The following NCAM2 variants were observed in gnomAD, a reference collection of about 807,000 sequenced individuals.
NCAM2 encodes the protein neural cell adhesion molecule 2.
A neutral mutation model predicts 98.1 loss-of-function variants in NCAM2; 30 were observed. That is an observed-to-expected ratio of 0.31 (90% CI 0.23 to 0.41). NCAM2 has a LOEUF of 0.41. NCAM2 is among the 10% of genes least tolerant of loss of function. NCAM2 has a pLI of 1.00. For synonymous variants in NCAM2, 368 were observed against 342.4 expected, an observed-to-expected ratio of 1.07 and a Z score of -0.83; for missense variants, 867 against 1,005.8, an observed-to-expected ratio of 0.86 and a Z score of 1.87.
intron 1 of NCAM2, among the ~76,000 whole-genome samples, chr21:21,082,826 G>T (rs1265787866): frequency 6.6e-6 from 1 of 152,062 alleles, no homozygotes; most frequent in Admixed American, 6.6e-5. Flanking sequence ...TCTCTCTTAG[G>T]TATTTGAACC....
rs144138857 is a variant in NCAM2, at chr21:21,340,606, A to G, written c.1044+2072A>G. Among the ~76,000 whole-genome samples, 260 of 152,136 alleles carry G rather than the reference A, an allele frequency of 1.7e-3. 2 individuals are homozygous for G. Among genetic ancestry groups the G allele is most frequent in the African/African-American group, 6.0e-3 (248 of 41,560 alleles). The stretch of plus-strand genomic sequence containing the variant: ...TTTCTGCACAAGTTTAATCCAGTCA[A>G]TAAAGAAATTAAGTCTATTGTATTT... On this transcript the variant is annotated intron_variant, in intron 8 of 17. Transcript: ENST00000400546.
At chr21:21,146,355 A>T (rs2067273654) in intron 1 of NCAM2, among the ~76,000 whole-genome samples, 1 of 151,480 alleles carries the variant, frequency 6.6e-6, no homozygotes, top group Non-Finnish European at 1.5e-5. Context: ...TGTCTTTCTG[A>T]CATGAATTTT....
chr21:21,249,315 A>G (rs955936619), intron 1 of NCAM2, among the ~76,000 whole-genome samples: 2 of 152,158 alleles, frequency 1.3e-5, no homozygotes, highest in Non-Finnish European at 2.9e-5. Flanking sequence ...CACTTGAGAA[A>G]AGTTACTACA....
At chr21:21,113,490 A>G (rs2066494052) in intron 1 of NCAM2, among the ~76,000 whole-genome samples, 1 of 152,224 alleles carries the variant, frequency 6.6e-6, no homozygotes, top group South Asian at 2.1e-4. Flanking sequence ...ATCTTGAGGA[A>G]GAAGTAAGTG....
chr21:21,270,418 A>G (rs911838596), intron 1 of NCAM2, among the ~76,000 whole-genome samples: 9 of 152,154 alleles, frequency 5.9e-5, no homozygotes, highest in African/African-American at 1.7e-4. Context: ...TTTTATTTAC[A>G]TTAAATGATA....
At chr21:21,298,379 A>T in intron 5 of NCAM2, among the ~76,000 whole-genome samples, 1 of 28 alleles carries the variant, frequency 0.036, no homozygotes, top group African/African-American at 0.17. Context: ...AATATACAAT[A>T]TATAAATTTA....
Position 21,373,982 on chromosome 21 carries a change from G to C in NCAM2, c.1164G>C (p.Gly388=). 1 of 1,610,084 alleles carries C rather than the reference G, an allele frequency of 6.2e-7. No homozygotes were observed. The highest frequency in any genetic ancestry group is 8.5e-7 in the Non-Finnish European group (1 of 1,177,794). The change falls in exon 9 of 18, where the codon GGG becomes GGC. Residue 388 remains glycine, a synonymous_variant. Coordinates refer to ENST00000400546, the MANE Select transcript of NCAM2 (RefSeq NM_004540.5). ...YDCEAASRIG[G]HQKSMYLDIE... is the part of the protein sequence containing the mutation. ...GTGAAGCTGCAAGCAGAATTGGAGG[G>C]CATCAAAAGAGCATGTACCTTGATA... is the stretch of plus-strand genomic sequence containing the variant.
chr21:21,161,184 A>G (rs2067771024), intron 1 of NCAM2, among the ~76,000 whole-genome samples: 1 of 152,052 alleles, frequency 6.6e-6, no homozygotes, highest in East Asian at 1.9e-4. Flanking sequence ...ATTTGCGAAT[A>G]GATAGGAAAA....
At chr21:21,086,213 A>G (rs1029257) in intron 1 of NCAM2, among the ~76,000 whole-genome samples, 97,572 of 152,106 alleles carry the variant, frequency 0.64, 34,664 homozygotes, top group Middle Eastern at 0.8. Flanking sequence ...GTCACCTAAT[A>G]TCACTGATGC....
chr21:21,380,813 C>T (rs2076137634), intron 9 of NCAM2, among the ~76,000 whole-genome samples: 1 of 152,150 alleles, frequency 6.6e-6, no homozygotes, highest in Admixed American at 6.5e-5. Context: ...TTGCAGTTTC[C>T]GAAGGTAAAG....
At chr21:21,282,925 A>G (rs762920954) in intron 2 of NCAM2, among the ~76,000 whole-genome samples, 2 of 151,714 alleles carry the variant, frequency 1.3e-5, no homozygotes, top group Non-Finnish European at 3.0e-5. Flanking sequence ...GAATGAAAAG[A>G]CTCAAAATAT....
chr21:21,271,901 A>G (rs1013396891), intron 1 of NCAM2, among the ~76,000 whole-genome samples: 2 of 152,012 alleles, frequency 1.3e-5, no homozygotes, highest in African/African-American at 4.8e-5. Context: ...TCATGGGGTG[A>G]GGGGAGTGGG....
chr21:21,353,832 T>A (rs897891264), intron 8 of NCAM2, among the ~76,000 whole-genome samples: 2 of 152,114 alleles, frequency 1.3e-5, no homozygotes, highest in African/African-American at 4.8e-5. Flanking sequence ...GGCATTAAGG[T>A]AGGAAAAAAA....
At chr21:21,486,897 A>C (rs1259677942) in intron 15 of NCAM2, among the ~76,000 whole-genome samples, 1 of 152,152 alleles carries the variant, frequency 6.6e-6, no homozygotes, top group East Asian at 1.9e-4. Context: ...GTTAGATTTT[A>C]AGCATCTAAG....
At chr21:21,468,455 T>C (rs1440088775) in intron 13 of NCAM2, among the ~76,000 whole-genome samples, 1 of 152,034 alleles carries the variant, frequency 6.6e-6, no homozygotes, top group African/African-American at 2.4e-5. Flanking sequence ...GGCTACAGTT[T>C]TGGCATGACA....
chr21:21,256,744 A>G (rs1292547434), intron 1 of NCAM2, among the ~76,000 whole-genome samples: 1 of 152,214 alleles, frequency 6.6e-6, no homozygotes, highest in Non-Finnish European at 1.5e-5. Flanking sequence ...TAAACATTCA[A>G]CTACTGTTAA....
intron 1 of NCAM2, among the ~76,000 whole-genome samples, chr21:21,125,425 A>G (rs979900679): frequency 0.012 from 29 of 2,364 alleles, 1 homozygote; most frequent in African/African-American, 0.036. Context: ...ACATATATTC[A>G]TACATATGTA....
intron 8 of NCAM2, among the ~76,000 whole-genome samples, chr21:21,353,379 A>G (rs2075392440): frequency 6.6e-6 from 1 of 152,186 alleles, no homozygotes; most frequent in African/African-American, 2.4e-5. Context: ...TGATTCATAT[A>G]TCAGGTTTTA....
intron 9 of NCAM2, among the ~76,000 whole-genome samples, chr21:21,395,024 C>T (rs559638643): frequency 6.6e-6 from 1 of 152,226 alleles, no homozygotes; most frequent in African/African-American, 2.4e-5. Context: ...ATTGTTCTTT[C>T]CCTCATTGAA....
Sources: allele counts gnomAD v4.1 joint callset (sites outside exome capture counted in the v4.1 genomes callset), GRCh38; gene constraint gnomAD v4.1.1; transcripts MANE v1.5; gene names NCBI Gene and HGNC (gene_info 2026-07-23, HGNC 2026-07-21).